R3HDM2: variants seen among roughly 807,000 people sequenced by gnomAD.
R3HDM2 encodes the protein R3H domain containing 2, also known as R3H domain-containing protein 2.
In R3HDM2, 38 loss-of-function variants were observed where a neutral mutation model predicts 124.5. The observed-to-expected ratio is 0.31, with a 90% CI of 0.24 to 0.40. R3HDM2 has a LOEUF of 0.40. Ranked by LOEUF, R3HDM2 falls within the 10% of genes least tolerant of loss-of-function variation. The pLI, the probability that R3HDM2 is intolerant of heterozygous loss-of-function variation, is 1.00. For missense variants in R3HDM2, 869 were observed against 1,236.9 expected (o/e 0.70, Z 4.46); for synonymous variants, 391 against 448.0 (o/e 0.87, Z 1.61).
chr12:57,381,654 A>C (rs2064898788), intron 2 of R3HDM2, among the ~76,000 whole-genome samples: 1 of 152,100 alleles, frequency 6.6e-6, no homozygotes, highest in Non-Finnish European at 1.5e-5. Context: ...AAACAATATA[A>C]CTTACTGAGA....
chr12:57,400,870 G>C (rs2067986511), intron 1 of R3HDM2, among the ~76,000 whole-genome samples: 1 of 152,114 alleles, frequency 6.6e-6, no homozygotes, highest in South Asian at 2.1e-4. Flanking sequence ...TAGCTTTTCA[G>C]CATTAACAGA....
At chr12:57,295,204 A>T (rs1446873451) in intron 10 of R3HDM2, among the ~76,000 whole-genome samples, 195 bp downstream of exon 10, 2 of 152,190 alleles carry the variant, frequency 1.3e-5, no homozygotes, top group African/African-American at 4.8e-5. Context: ...ATGTCTCTCT[A>T]GGGCTAAGAG....
At chr12:57,351,691 T>C (rs2060694472) in intron 2 of R3HDM2, among the ~76,000 whole-genome samples, 1 of 152,190 alleles carries the variant, frequency 6.6e-6, no homozygotes, top group South Asian at 2.1e-4. Flanking sequence ...TAAAATGGGG[T>C]AACTCTATCT....
rs1226381364 is a variant in R3HDM2, at chr12:57,371,081, T to C, written c.-36+24668A>G. 4.5e-5 allele frequency among the ~76,000 whole-genome samples: 6 copies of C among 134,768 alleles called. No individual in the cohort carries two copies. In the South Asian group the frequency reaches 9.5e-4, roughly 21 times the overall value. The allele number at this position is 134,768 out of a possible 152,430, so 88.4% of individuals were successfully genotyped here. A position where few individuals can be genotyped will look rare whatever the true frequency, so the allele number is the denominator to read the frequency against. ...AGAATGGGAACCAAATATATACCAT[T>C]ACTTTTTTTTTTTTTTTTTTTTTTT... On this transcript the variant is annotated intron_variant, in intron 2 of 23. Transcript: ENST00000402412.
At position 57,381,500 on chromosome 12, in the gene R3HDM2, G is replaced by A. The variant is rs186219518; in HGVS notation, c.-36+14249C>T. 2.2e-3 allele frequency among the ~76,000 whole-genome samples: 314 copies of A among 140,200 alleles called. 9 individuals carry two copies. In the East Asian group the frequency reaches 0.053, roughly 23 times the overall value. 92.0% of individuals were successfully genotyped at this position (140,200 alleles called of 152,430 possible). Reference sequence around the variant, plus strand: ...GCGGAAGTTGCAGTGAGCCGAGATCGTACCACTGCACTCCAGCCTGGGCGA... The same window carrying A: ...GCGGAAGTTGCAGTGAGCCGAGATCATACCACTGCACTCCAGCCTGGGCGA... On this transcript the variant is annotated intron_variant, in intron 2 of 23. Transcript: ENST00000402412.
At chr12:57,416,484 T>G (rs1056787887) in intron 1 of R3HDM2, among the ~76,000 whole-genome samples, 2 of 152,166 alleles carry the variant, frequency 1.3e-5, no homozygotes, top group African/African-American at 4.8e-5. Flanking sequence ...AAACTTGCCC[T>G]GTCCTAAAAG....
At chr12:57,399,937 G>A (rs2067900328) in intron 1 of R3HDM2, among the ~76,000 whole-genome samples, 1 of 152,164 alleles carries the variant, frequency 6.6e-6, no homozygotes, top group African/African-American at 2.4e-5. Flanking sequence ...GACTTCCGCT[G>A]ATTCATCCTG....
At chr12:57,276,355 C>A (rs948406932) in intron 14 of R3HDM2, among the ~76,000 whole-genome samples, 5 of 152,082 alleles carry the variant, frequency 3.3e-5, no homozygotes, top group African/African-American at 1.2e-4. Context: ...TTCACAATTG[C>A]AAAATCATGG....
At chr12:57,273,794 A>G (rs2044098998) in intron 14 of R3HDM2, among the ~76,000 whole-genome samples, 1 of 152,178 alleles carries the variant, frequency 6.6e-6, no homozygotes, top group Admixed American at 6.5e-5. Flanking sequence ...GGGCCATGGT[A>G]TCAATATCCT....
chr12:57,279,538 C>T (rs1176706739), intron 14 of R3HDM2, among the ~76,000 whole-genome samples: 1 of 150,666 alleles, frequency 6.6e-6, no homozygotes, highest in Non-Finnish European at 1.5e-5. Flanking sequence ...CATGGTGGCT[C>T]ATGCCTGTAA....
At chr12:57,381,733 G>C (rs2064908207) in intron 2 of R3HDM2, among the ~76,000 whole-genome samples, 1 of 151,982 alleles carries the variant, frequency 6.6e-6, no homozygotes, top group African/African-American at 2.4e-5. Flanking sequence ...TTATTCACAG[G>C]AAAGTGAGAA....
chr12:57,425,947 G>A (rs894065758), intron 1 of R3HDM2, among the ~76,000 whole-genome samples: 10 of 152,024 alleles, frequency 6.6e-5, no homozygotes, highest in African/African-American at 2.4e-4. Context: ...GGAAAGATAG[G>A]TCAGGCGCGG....
At chr12:57,366,991 CTTTGT>C (rs956182245) in intron 2 of R3HDM2, among the ~76,000 whole-genome samples, 14 of 151,898 alleles carry the variant, frequency 9.2e-5, no homozygotes, top group Non-Finnish European at 1.8e-4. Flanking sequence ...CCAGTCTGGG[CTTTGT>C]TTTGAGACTT....
At chr12:57,423,757 A>G (rs1174649897) in intron 1 of R3HDM2, among the ~76,000 whole-genome samples, 4 of 143,120 alleles carry the variant, frequency 2.8e-5, no homozygotes, top group African/African-American at 7.8e-5. Context: ...CAGTAAGCCG[A>G]TATCATACCA....
intron 2 of R3HDM2, among the ~76,000 whole-genome samples, chr12:57,386,927 A>C (rs2065920991): frequency 6.6e-6 from 1 of 151,986 alleles, no homozygotes; most frequent in African/African-American, 2.4e-5. Context: ...CTTTATGTCT[A>C]GCTAAGGAGT....
chr12:57,338,171 C>T (rs1303902352), intron 2 of R3HDM2, among the ~76,000 whole-genome samples: 3 of 152,030 alleles, frequency 2.0e-5, no homozygotes, highest in Non-Finnish European at 4.4e-5. Flanking sequence ...GGCATGGTGG[C>T]GCATGCCTGT....
At chr12:57,322,777 TAGC>T (rs1293736187) in intron 2 of R3HDM2, among the ~76,000 whole-genome samples, 8 of 152,276 alleles carry the variant, frequency 5.3e-5, no homozygotes, top group Admixed American at 2.6e-4. Flanking sequence ...AATTCCAACC[TAGC>T]TGTGTCTGAT....
intron 2 of R3HDM2, among the ~76,000 whole-genome samples, chr12:57,323,583 C>A (rs777409326): frequency 6.6e-6 from 1 of 152,228 alleles, no homozygotes; most frequent in Non-Finnish European, 1.5e-5. Flanking sequence ...CCCATAGGAA[C>A]TGGCTGGTAT....
intron 2 of R3HDM2, among the ~76,000 whole-genome samples, chr12:57,385,831 T>G (rs1369194829): frequency 6.6e-6 from 1 of 152,208 alleles, no homozygotes; most frequent in Non-Finnish European, 1.5e-5. Context: ...TCCCCAAGAC[T>G]TTCATGGAAA....
Sources: allele counts gnomAD v4.1 joint callset (sites outside exome capture counted in the v4.1 genomes callset), GRCh38; gene constraint gnomAD v4.1.1; transcripts MANE v1.5; gene names NCBI Gene and HGNC (gene_info 2026-07-23, HGNC 2026-07-21).